PSMD1: variants seen among roughly 807,000 people sequenced by gnomAD.
PSMD1 encodes proteasome 26S subunit, non-ATPase 1, also known as 26S proteasome non-ATPase regulatory subunit 1.
A neutral mutation model predicts 119.0 loss-of-function variants in PSMD1; 18 were observed. That is an observed-to-expected ratio of 0.15 (90% CI 0.10 to 0.22). PSMD1 has a LOEUF of 0.22. PSMD1 is among the 10% of genes least tolerant of loss of function. PSMD1 has a pLI of 1.00. For missense variants in PSMD1, 702 were observed against 1,158.5 expected, an observed-to-expected ratio of 0.61 and a Z score of 5.72; for synonymous variants, 374 against 396.6, an observed-to-expected ratio of 0.94 and a Z score of 0.68.
chr2:231,138,733 C>T lies in PSMD1; in HGVS notation c.1884-3C>T. On this transcript the variant is annotated splice_polypyrimidine_tract_variant and splice_region_variant and intron_variant, in intron 16 of 24. Coordinates refer to ENST00000308696, the MANE Select transcript of PSMD1 (RefSeq NM_002807.4). ...AGTGGCTTCGCTTTCTGTTTCTTATCAGAACCCCTGAACAGTGCCCAAGTG... is the reference window on the plus strand; with the variant it reads ...AGTGGCTTCGCTTTCTGTTTCTTATTAGAACCCCTGAACAGTGCCCAAGTG... 1 of 1,608,476 alleles carries T rather than the reference C, an allele frequency of 6.2e-7. No individual in the cohort carries two copies. Among genetic ancestry groups the T allele is most frequent in the Non-Finnish European group, 8.5e-7 (1 of 1,174,906 alleles).
intron 17 of PSMD1, among the ~76,000 whole-genome samples, chr2:231,144,114 G>C (rs1488930140): frequency 6.6e-6 from 1 of 152,108 alleles, no homozygotes; most frequent in Non-Finnish European, 1.5e-5. Context: ...ATTAGAGACA[G>C]GGTCAACTAT....
intron 18 of PSMD1, among the ~76,000 whole-genome samples, chr2:231,148,630 CT>C (rs1696301928): frequency 6.6e-6 from 1 of 152,172 alleles, no homozygotes; most frequent in Non-Finnish European, 1.5e-5. Context: ...GTATATACCA[CT>C]GACTAAAAAA....
At chr2:231,128,065 A>G (rs1179337723) in intron 16 of PSMD1, among the ~76,000 whole-genome samples, 1 of 152,234 alleles carries the variant, frequency 6.6e-6, no homozygotes, top group Non-Finnish European at 1.5e-5. Flanking sequence ...TATTCTTTAT[A>G]GGTCTAGGAA....
intron 16 of PSMD1, among the ~76,000 whole-genome samples, chr2:231,122,571 G>A (rs1695581799): frequency 6.6e-6 from 1 of 152,148 alleles, no homozygotes; most frequent in South Asian, 2.1e-4. Context: ...GATTCCAAGG[G>A]TCTAGGAGCC....
intron 17 of PSMD1, among the ~76,000 whole-genome samples, chr2:231,145,312 T>C (rs1449283358): frequency 6.6e-6 from 1 of 152,206 alleles, no homozygotes; most frequent in Non-Finnish European, 1.5e-5. Flanking sequence ...TAGGCAGTTA[T>C]GGTAAAAATA....
At position 231,134,733 on chromosome 2, in the gene PSMD1, G is replaced by A. The variant is rs146912017; in HGVS notation, c.1884-4003G>A. On this transcript the variant is annotated intron_variant, in intron 16 of 24. Coordinates refer to ENST00000308696, the MANE Select transcript of PSMD1 (RefSeq NM_002807.4). Reference sequence around the variant, plus strand: ...CATTTATCCCTCTGCTATCAGAATTGTGCCCATTCAAGACTCAATTAGCCT... The same window carrying A: ...CATTTATCCCTCTGCTATCAGAATTATGCCCATTCAAGACTCAATTAGCCT... Among the ~76,000 whole-genome samples the A allele has an allele frequency of 1.9e-3, 289 of 152,104 alleles. 4 individuals carry two copies. The highest frequency in any genetic ancestry group is 0.018 in the Admixed American group (268 of 15,280).
intron 18 of PSMD1, among the ~76,000 whole-genome samples, chr2:231,151,008 T>A (rs1234764224): frequency 6.6e-6 from 1 of 152,210 alleles, no homozygotes; most frequent in Non-Finnish European, 1.5e-5. Context: ...ACATGATGAA[T>A]GTTTAAAATG....
intron 1 of PSMD1, among the ~76,000 whole-genome samples, chr2:231,058,007 A>AT (rs1485852644): frequency 6.6e-6 from 1 of 152,220 alleles, no homozygotes; most frequent in East Asian, 1.9e-4. Context: ...TCAAAACTTT[A>AT]TTTTTATGAG....
intron 8 of PSMD1, among the ~76,000 whole-genome samples, chr2:231,075,894 C>G (rs957907252): frequency 6.6e-6 from 1 of 151,794 alleles, no homozygotes; most frequent in African/African-American, 2.4e-5. Context: ...CCATGCCCAG[C>G]GAGTGTGCTT....
chr2:231,125,923 A>T (rs1695708284), intron 16 of PSMD1, among the ~76,000 whole-genome samples: 1 of 152,186 alleles, frequency 6.6e-6, no homozygotes, highest in African/African-American at 2.4e-5. Flanking sequence ...GTTGAATGTT[A>T]TTGGAAAATA....
At chr2:231,081,131 C>T (rs1437514911) in intron 12 of PSMD1, among the ~76,000 whole-genome samples, 1 of 115,980 alleles carries the variant, frequency 8.6e-6, no homozygotes, top group African/African-American at 3.3e-5. Context: ...GGCGACAAGA[C>T]AGAAACTCTG....
chr2:231,127,963 G>A (rs1695765076), intron 16 of PSMD1, among the ~76,000 whole-genome samples: 2 of 152,044 alleles, frequency 1.3e-5, no homozygotes, highest in African/African-American at 2.4e-5. Context: ...AACCTAATTG[G>A]CACATTTTTT....
chr2:231,085,816 C>T lies in PSMD1; in HGVS notation c.1818+702C>T, dbSNP rs576091681. On this transcript the variant is annotated intron_variant, in intron 15 of 24. Coordinates refer to ENST00000308696, the MANE Select transcript of PSMD1 (RefSeq NM_002807.4). ...GCCTGGTCACACAGTGGACATTCCA[C>T]GTGTCTTAATAGGTTTTTATCATCG... 1.2e-4 allele frequency among the ~76,000 whole-genome samples: 18 copies of T among 152,262 alleles called. No homozygotes were observed. In the South Asian group the frequency reaches 3.3e-3, roughly 28 times the overall value.
intron 16 of PSMD1, among the ~76,000 whole-genome samples, chr2:231,130,850 G>A (rs1181627456): frequency 1.3e-5 from 2 of 152,148 alleles, no homozygotes; most frequent in Admixed American, 6.5e-5. Flanking sequence ...TATAAATGCT[G>A]ATCCAAGGTA....
intron 16 of PSMD1, among the ~76,000 whole-genome samples, chr2:231,093,917 T>G (rs945930456): frequency 6.6e-6 from 1 of 152,130 alleles, no homozygotes; most frequent in Non-Finnish European, 1.5e-5. Flanking sequence ...CCATTATCAG[T>G]TTTAATTTTT....
intron 16 of PSMD1, 73 bp downstream of exon 16, chr2:231,087,254 A>G (rs1429166740): frequency 3.1e-6 from 4 of 1,300,502 alleles, no homozygotes; most frequent in South Asian, 1.2e-5. Context: ...TACCGAAACT[A>G]CCAAACAGTT....
chr2:231,088,186 A>G (rs910234940), intron 16 of PSMD1, among the ~76,000 whole-genome samples: 1 of 152,202 alleles, frequency 6.6e-6, no homozygotes. Flanking sequence ...TGGTACTAGT[A>G]AGAACTAAGT....
chr2:231,151,155 T>C (rs1036743169), intron 18 of PSMD1, among the ~76,000 whole-genome samples: 1 of 152,162 alleles, frequency 6.6e-6, no homozygotes, highest in African/African-American at 2.4e-5. Flanking sequence ...ATTTTTCTCC[T>C]GGAAATTCTA....
chr2:231,168,697 G>A (rs1559257127), intron 23 of PSMD1, among the ~76,000 whole-genome samples: 1 of 152,218 alleles, frequency 6.6e-6, no homozygotes, highest in Non-Finnish European at 1.5e-5. Context: ...TTAGGTTGAT[G>A]CAGATATTTT....
Sources: gnomAD v4.1 joint callset for allele counts (sites outside exome capture counted in the v4.1 genomes callset) on GRCh38, gnomAD v4.1.1 for gene constraint, MANE v1.5 for transcripts, NCBI Gene and HGNC (gene_info 2026-07-23, HGNC 2026-07-21) for gene names.